Variants in ARHGAP18 observed in about 807,000 individuals in gnomAD.
The protein encoded by ARHGAP18 is Rho GTPase activating protein 18, also known as rho GTPase-activating protein 18.
A neutral mutation model predicts 86.2 loss-of-function variants in ARHGAP18; 67 were observed. The ratio of observed to expected loss-of-function variants is 0.78; its 90% CI spans 0.64 to 0.95. ARHGAP18 has a LOEUF of 0.95. Ranked by LOEUF, ARHGAP18 falls within the 40% of genes least tolerant of loss-of-function variation. The pLI, the probability that ARHGAP18 is intolerant of heterozygous loss-of-function variation, is 0.00. For missense variants in ARHGAP18, 691 were observed against 780.4 expected (o/e 0.89, Z 1.37); for synonymous variants, 283 against 280.4 (o/e 1.01, Z -0.09).
intron 10 of ARHGAP18, among the ~76,000 whole-genome samples, chr6:129,603,007 T>C (rs1788779390): frequency 8.0e-6 from 1 of 125,414 alleles, no homozygotes; most frequent in South Asian, 2.5e-4. Flanking sequence ...ATATATATAA[T>C]TTCAATAGTT....
At chr6:129,678,330 T>C (rs570141546) in intron 1 of ARHGAP18, among the ~76,000 whole-genome samples, 15 of 152,330 alleles carry the variant, frequency 9.8e-5, no homozygotes, top group African/African-American at 3.6e-4. Flanking sequence ...TGATCTCTTT[T>C]CCAAATCCAT....
chr6:129,699,030 G>C (rs1417100114), intron 1 of ARHGAP18, among the ~76,000 whole-genome samples: 6 of 151,698 alleles, frequency 4.0e-5, no homozygotes, highest in Non-Finnish European at 7.4e-5. Context: ...GTAGAGATAG[G>C]GTTTCACCAT....
At position 129,625,553 on chromosome 6, in the gene ARHGAP18, A is replaced by C. The variant is rs1450426165; in HGVS notation, c.786+3800T>G. ...TATACATTATATATTATATATATTT[A>C]TTATATATTATATATCATTATACAT... On this transcript the variant is annotated intron_variant, in intron 5 of 14. Coordinates refer to ENST00000368149, the MANE Select transcript of ARHGAP18 (RefSeq NM_033515.3). 4.3e-5 allele frequency among the ~76,000 whole-genome samples: 3 copies of C among 70,264 alleles called. 1 individual carries two copies. The highest frequency in any genetic ancestry group is 7.5e-5 in the Non-Finnish European group (3 of 40,072). 46.1% of individuals were successfully genotyped at this position (70,264 alleles called of 152,430 possible). A position where few individuals can be genotyped will look rare whatever the true frequency, so the allele number is the denominator to read the frequency against.
At chr6:129,688,526 C>T (rs1394261253) in intron 1 of ARHGAP18, among the ~76,000 whole-genome samples, 2 of 152,202 alleles carry the variant, frequency 1.3e-5, no homozygotes, top group African/African-American at 4.8e-5. Flanking sequence ...GGTGCCGTGG[C>T]TCATGCCTGT....
At chr6:129,607,478 C>T (rs1424609857) in intron 9 of ARHGAP18, among the ~76,000 whole-genome samples, 1 of 152,150 alleles carries the variant, frequency 6.6e-6, no homozygotes, top group African/African-American at 2.4e-5. Context: ...TGCTCAGAGA[C>T]CCTACCACTT....
intron 12 of ARHGAP18, among the ~76,000 whole-genome samples, chr6:129,597,289 C>A (rs1412775224): frequency 1.3e-5 from 2 of 151,996 alleles, no homozygotes; most frequent in Non-Finnish European, 1.5e-5. Context: ...GTGTGTGCTA[C>A]CACGTCCAGC....
chr6:129,705,908 C>T (rs1252213403), intron 1 of ARHGAP18, among the ~76,000 whole-genome samples: 1 of 152,144 alleles, frequency 6.6e-6, no homozygotes, highest in Non-Finnish European at 1.5e-5. Flanking sequence ...AGGTTGGCCC[C>T]AGAACCCAGG....
Position 129,638,469 on chromosome 6 carries a change from C to T in ARHGAP18, c.477G>A (p.Leu159=), listed in dbSNP as rs780402227. The T allele has an allele frequency of 1.2e-5, 20 of 1,613,774 alleles. No individual in the cohort carries two copies. Among genetic ancestry groups the T allele is most frequent in the South Asian group, 2.2e-5 (2 of 91,076 alleles). The stretch of plus-strand genomic sequence containing the variant: ...TCTGGTACTGTTTGTTTTTTTTCCT[C>T]AAGGTCTGGGAGACCGTCTCTACTC... ...QKRVETVSQT[L]RKKNKQYQIP... is the part of the protein sequence containing the mutation. Residue 159 remains leucine, a synonymous_variant, in exon 3 of 15, where the codon TTG becomes TTA. Coordinates refer to ENST00000368149, the MANE Select transcript of ARHGAP18 (RefSeq NM_033515.3).
chr6:129,655,595 T>A (rs1339796645), intron 1 of ARHGAP18, among the ~76,000 whole-genome samples: 1 of 152,034 alleles, frequency 6.6e-6, no homozygotes, highest in Non-Finnish European at 1.5e-5. Context: ...GAACTTTTTC[T>A]TGTTCTTTTT....
chr6:129,591,866 T>A (rs1019952870), intron 12 of ARHGAP18, among the ~76,000 whole-genome samples: 8 of 152,168 alleles, frequency 5.3e-5, no homozygotes, highest in Admixed American at 2.0e-4. Flanking sequence ...TAGCAAGGTA[T>A]CTTAAACTAA....
intron 1 of ARHGAP18, among the ~76,000 whole-genome samples, chr6:129,644,171 A>G (rs1773530668): frequency 1.3e-5 from 2 of 152,116 alleles, no homozygotes; most frequent in South Asian, 2.1e-4. Flanking sequence ...TTAAGTCTCC[A>G]TTGTTCATTG....
intron 1 of ARHGAP18, among the ~76,000 whole-genome samples, chr6:129,658,313 G>T (rs1374737550): frequency 3.3e-5 from 5 of 152,004 alleles, no homozygotes; most frequent in African/African-American, 1.2e-4. Context: ...CTCAACCACA[G>T]AATCTTTGTC....
chr6:129,637,106 C>A (rs979168049), intron 3 of ARHGAP18, among the ~76,000 whole-genome samples: 2 of 151,884 alleles, frequency 1.3e-5, no homozygotes, highest in Non-Finnish European at 2.9e-5. Flanking sequence ...ACTTTGTCAC[C>A]CAGCCTGGAG....
At chr6:129,673,028 G>C (rs926156965) in intron 1 of ARHGAP18, among the ~76,000 whole-genome samples, 1 of 152,108 alleles carries the variant, frequency 6.6e-6, no homozygotes, top group Non-Finnish European at 1.5e-5. Flanking sequence ...CTGAAACATG[G>C]GTCTCTCCAC....
At chr6:129,637,609 C>T (rs1163226425) in intron 3 of ARHGAP18, among the ~76,000 whole-genome samples, 1 of 152,178 alleles carries the variant, frequency 6.6e-6, no homozygotes, top group African/African-American at 2.4e-5. Flanking sequence ...CAGACTGTAA[C>T]CTACTTGTGT....
In ARHGAP18 at chr6:129,710,137, G is replaced by C; in HGVS notation, c.-1C>G. The C allele has an allele frequency of 1.9e-6, 3 of 1,609,890 alleles. No homozygotes were observed. Among genetic ancestry groups the C allele is most frequent in the Non-Finnish European group, 2.5e-6 (3 of 1,176,544 alleles). ...CCTGGGAACTGGAGAGCCAGCTCATGGTGAGAGAAGGGACATACTTTCTGC... is the reference window on the plus strand; with the variant it reads ...CCTGGGAACTGGAGAGCCAGCTCATCGTGAGAGAAGGGACATACTTTCTGC... On this transcript the variant is annotated 5_prime_UTR_variant, in exon 1 of 15. Transcript: ENST00000368149.
chr6:129,644,605 C>A (rs1037755453), intron 1 of ARHGAP18, among the ~76,000 whole-genome samples: 2 of 152,148 alleles, frequency 1.3e-5, no homozygotes, highest in South Asian at 2.1e-4. Context: ...CTCTTACCCC[C>A]CTGTGAGACC....
chr6:129,593,142 C>T (rs942883499), intron 12 of ARHGAP18, among the ~76,000 whole-genome samples: 11 of 152,110 alleles, frequency 7.2e-5, no homozygotes, highest in Non-Finnish European at 1.5e-4. Context: ...CACCCAATCA[C>T]GGTTTGCTTT....
At chr6:129,658,582 C>G (rs1034569647) in intron 1 of ARHGAP18, among the ~76,000 whole-genome samples, 1 of 152,170 alleles carries the variant, frequency 6.6e-6, no homozygotes, top group Non-Finnish European at 1.5e-5. Flanking sequence ...GCAGACAAAT[C>G]TTACGCTAAA....
Sources: allele counts gnomAD v4.1 joint callset (sites outside exome capture counted in the v4.1 genomes callset), GRCh38; gene constraint gnomAD v4.1.1; transcripts MANE v1.5; gene names NCBI Gene and HGNC (gene_info 2026-07-23, HGNC 2026-07-21).